HDAC9: variants seen among roughly 807,000 people sequenced by gnomAD.
HDAC9 encodes the protein MEF-2 interacting transcription repressor (MITR) protein.
Under a neutral mutation model 139.4 loss-of-function variants are expected in HDAC9, and 41 were observed. The ratio of observed to expected loss-of-function variants is 0.29; its 90% CI spans 0.23 to 0.38. HDAC9 has a LOEUF of 0.38. HDAC9 is among the 10% of genes least tolerant of loss of function. The pLI is 1.00. For synonymous variants in HDAC9, 517 were observed against 476.2 expected, an observed-to-expected ratio of 1.09 and a Z score of -1.12; for missense variants, 1,147 against 1,297.0, an observed-to-expected ratio of 0.88 and a Z score of 1.78.
intron 25 of HDAC9, among the ~76,000 whole-genome samples, chr7:18,989,663 C>G (rs1360727768): frequency 6.6e-6 from 1 of 150,660 alleles, no homozygotes; most frequent in African/African-American, 2.5e-5. Context: ...CAACTTGATT[C>G]CATTCTCCCT....
chr7:18,762,430 A>G (rs1207917289), intron 15 of HDAC9, among the ~76,000 whole-genome samples, 153 bp downstream of exon 15: 1 of 152,210 alleles, frequency 6.6e-6, no homozygotes, highest in Non-Finnish European at 1.5e-5. Flanking sequence ...TTGCAACAGA[A>G]GCCATTGTAG....
intron 2 of HDAC9, among the ~76,000 whole-genome samples, chr7:18,230,909 G>T (rs1793414290): frequency 6.6e-6 from 1 of 152,192 alleles, no homozygotes; most frequent in Non-Finnish European, 1.5e-5. Flanking sequence ...GAAAGCAGAA[G>T]GATGTGTTCC....
chr7:18,140,905 A>G (rs1688274396), intron 1 of HDAC9, among the ~76,000 whole-genome samples: 1 of 151,602 alleles, frequency 6.6e-6, no homozygotes. Context: ...GCCAAACTTT[A>G]AAGTTTTTTT....
intron 16 of HDAC9, among the ~76,000 whole-genome samples, chr7:18,769,318 T>G (rs1790087818): frequency 6.6e-6 from 1 of 152,186 alleles, no homozygotes; most frequent in Non-Finnish European, 1.5e-5. Context: ...GAGTGAATAT[T>G]GGCTGCTTCC....
chr7:18,988,439 A>T (rs1392704997), intron 25 of HDAC9, among the ~76,000 whole-genome samples: 2 of 151,016 alleles, frequency 1.3e-5, no homozygotes, highest in Admixed American at 1.3e-4. Context: ...AGTTTGTTAT[A>T]ATTTCTGTTC....
intron 1 of HDAC9, among the ~76,000 whole-genome samples, chr7:18,451,070 A>C (rs1792771487): frequency 6.6e-6 from 1 of 152,170 alleles, no homozygotes; most frequent in African/African-American, 2.4e-5. Flanking sequence ...ATTAAGAGGT[A>C]AGGTCTTTGG....
At chr7:18,542,002 G>C (rs890054894) in intron 2 of HDAC9, among the ~76,000 whole-genome samples, 4 of 151,970 alleles carry the variant, frequency 2.6e-5, no homozygotes, top group African/African-American at 9.7e-5. Context: ...TTTGTTGTGG[G>C]GTGCCATCCT....
chr7:18,625,652 T>C (rs1298969945), intron 6 of HDAC9, among the ~76,000 whole-genome samples: 1 of 152,106 alleles, frequency 6.6e-6, no homozygotes, highest in Non-Finnish European at 1.5e-5. Flanking sequence ...AGCTGCAAGA[T>C]ATGTGGGACT....
In HDAC9 at chr7:18,376,626, A is replaced by T. The variant is rs139729411; in HGVS notation, c.-42+86111A>T. On this transcript the variant is annotated intron_variant, in intron 1 of 3. Coordinates refer to the HDAC9 transcript ENST00000413509. ...CTTCTGGTTAATAACCATAAAACTA[A>T]CATGAGCCTCCCTTCCTTTTGCTTA... Among the ~76,000 whole-genome samples, 176 of 152,248 alleles carry T rather than the reference A, an allele frequency of 1.2e-3. 1 individual carries two copies. Among genetic ancestry groups the T allele is most frequent in the Middle Eastern group, 6.8e-3 (2 of 294 alleles).
At chr7:18,133,296 CATAAT>C (rs1185779668) in intron 1 of HDAC9, among the ~76,000 whole-genome samples, 1 of 152,052 alleles carries the variant, frequency 6.6e-6, no homozygotes, top group Non-Finnish European at 1.5e-5. Context: ...ATCAGAATCT[CATAAT>C]ATATTTAGAA....
intron 25 of HDAC9, among the ~76,000 whole-genome samples, chr7:18,990,882 A>G (rs1785859597): frequency 6.6e-6 from 1 of 152,242 alleles, no homozygotes; most frequent in Admixed American, 6.5e-5. Context: ...CAAGTGAGGC[A>G]ATGTCTCGCC....
intron 1 of HDAC9, among the ~76,000 whole-genome samples, chr7:18,411,921 G>A (rs1018305728): frequency 1.3e-5 from 2 of 150,244 alleles, no homozygotes; most frequent in Non-Finnish European, 2.9e-5. Flanking sequence ...CACCTCCCGG[G>A]TTCAGGTGAT....
intron 7 of HDAC9, among the ~76,000 whole-genome samples, chr7:18,633,378 A>G (rs1012802537): frequency 9.2e-5 from 14 of 152,056 alleles, no homozygotes; most frequent in Admixed American, 3.9e-4. Context: ...AGAGCACACC[A>G]TTTCTCAAGA....
At chr7:18,186,163 G>A (rs541205331) in intron 2 of HDAC9, among the ~76,000 whole-genome samples, 3 of 152,228 alleles carry the variant, frequency 2.0e-5, no homozygotes, top group Non-Finnish European at 2.9e-5. Flanking sequence ...TCTTGTTATC[G>A]ACTGGGCCAG....
chr7:18,288,948 T>G (rs1797627627), upstream of HDAC9, among the ~76,000 whole-genome samples: 1 of 152,174 alleles, frequency 6.6e-6, no homozygotes, highest in African/African-American at 2.4e-5. Context: ...GTTAAGAGTT[T>G]TGGAGAAGGG....
chr7:18,535,722 C>A (rs1348314017), intron 2 of HDAC9, among the ~76,000 whole-genome samples: 14 of 49,246 alleles, frequency 2.8e-4, no homozygotes, highest in Non-Finnish European at 3.2e-4. Context: ...AGGCATTAAG[C>A]AAAAAAAAAA....
intron 21 of HDAC9, among the ~76,000 whole-genome samples, chr7:18,862,320 A>G (rs1302177795): frequency 6.6e-6 from 1 of 152,212 alleles, no homozygotes; most frequent in Admixed American, 6.5e-5. Flanking sequence ...GATCTGGAAC[A>G]TAGAAAAATC....
At chr7:18,709,561 G>C (rs1424156188) in intron 12 of HDAC9, among the ~76,000 whole-genome samples, 1 of 152,142 alleles carries the variant, frequency 6.6e-6, no homozygotes, top group African/African-American at 2.4e-5. Flanking sequence ...ACATATCTCA[G>C]AGTTTTTGAA....
intron 24 of HDAC9, among the ~76,000 whole-genome samples, chr7:18,967,061 A>C (rs144734723): frequency 6.6e-6 from 1 of 152,228 alleles, no homozygotes; most frequent in African/African-American, 2.4e-5. Flanking sequence ...TTCATTATTC[A>C]TCAGGGGGAC....
Sources: gnomAD v4.1 joint callset for allele counts (sites outside exome capture counted in the v4.1 genomes callset) on GRCh38, gnomAD v4.1.1 for gene constraint, MANE v1.5 for transcripts, NCBI Gene and HGNC (gene_info 2026-07-23, HGNC 2026-07-21) for gene names.